TRPS1: variants seen among roughly 807,000 people sequenced by gnomAD.
The protein encoded by TRPS1 is transcriptional repressor GATA binding 1, also known as zinc finger transcription factor Trps1.
In TRPS1, 6 loss-of-function variants were observed where a neutral mutation model predicts 101.2. That is an observed-to-expected ratio of 0.06 (90% CI 0.03 to 0.12). The LOEUF is 0.12. Ranked by LOEUF, TRPS1 falls within the 10% of genes least tolerant of loss-of-function variation. TRPS1 has a pLI of 1.00. For synonymous variants in TRPS1, 578 were observed against 589.8 expected, an observed-to-expected ratio of 0.98 and a Z score of 0.29; for missense variants, 1,363 against 1,567.0, an observed-to-expected ratio of 0.87 and a Z score of 2.20.
At chr8:115,610,321 C>T (rs184976459) in intron 3 of TRPS1, among the ~76,000 whole-genome samples, 14 of 152,174 alleles carry the variant, frequency 9.2e-5, no homozygotes, top group Admixed American at 6.5e-4. Context: ...CCGATCTTAG[C>T]GGAAAATAAC....
At position 115,498,409 on chromosome 8, in the gene TRPS1, CTCTCTCTATATATATATATATATA is replaced by C. The variant is rs1260579056; in HGVS notation, c.2701-79981_2701-79958del. ...TCTCTCTCTCTCTCTCTCTCTCTCTCTCTCTCTATATATATATATATATATATATATATATATATATAGTTGATT... is the reference window on the plus strand; with the variant it reads ...TCTCTCTCTCTCTCTCTCTCTCTCTCTATATATATATATATATAGTTGATT... On this transcript the variant is annotated intron_variant, in intron 5 of 6. Coordinates refer to ENST00000395715, the MANE Select transcript of TRPS1 (RefSeq NM_014112.5). Among the ~76,000 whole-genome samples, 443 of 80,938 alleles carry C rather than the reference CTCTCTCTATATATATATATATATA, an allele frequency of 5.5e-3. 3 individuals are homozygous for C. The highest frequency in any genetic ancestry group is 0.027 in the African/African-American group (418 of 15,246). 53.1% of individuals were successfully genotyped at this position (80,938 alleles called of 152,430 possible).
intron 5 of TRPS1, among the ~76,000 whole-genome samples, chr8:115,538,413 G>C (rs1257834858): frequency 1.3e-5 from 2 of 152,040 alleles, no homozygotes; most frequent in African/African-American, 4.8e-5. Context: ...CGACTATCTT[G>C]CTAGCAAATT....
chr8:115,514,684 T>C (rs1397166577), intron 5 of TRPS1, among the ~76,000 whole-genome samples: 6 of 151,664 alleles, frequency 4.0e-5, no homozygotes, highest in East Asian at 1.9e-4. Flanking sequence ...CCATTTCTCA[T>C]TCATACAAAT....
At chr8:115,541,722 T>C (rs577976400) in intron 5 of TRPS1, among the ~76,000 whole-genome samples, 9 of 152,320 alleles carry the variant, frequency 5.9e-5, no homozygotes, top group Admixed American at 1.3e-4. Context: ...ATCCTTAATA[T>C]AGTTTATGTT....
rs1201850527 is a variant in TRPS1 at position 115,408,801 on chromosome 8, T to C, written c.*5222A>G. On this transcript the variant is annotated 3_prime_UTR_variant, in exon 7 of 7. Coordinates refer to ENST00000395715, the MANE Select transcript of TRPS1 (RefSeq NM_014112.5). ...ATATTGCTGTAAGTTAAATTTTACA[T>C]TGGCATTTTGAGATGTTCCCCCCTC... The C allele has an allele frequency of 6.6e-6, 1 of 152,322 alleles. No homozygotes were observed. The highest frequency in any genetic ancestry group is 1.5e-5 in the Non-Finnish European group (1 of 67,928). The allele number at this position is 152,322 out of a possible 1,614,324, so 9.4% of individuals were successfully genotyped here. A position where few individuals can be genotyped will look rare whatever the true frequency, so the allele number is the denominator to read the frequency against.
rs555737476 is a variant in TRPS1 at position 115,417,674 on chromosome 8, G to A, written c.2823+656C>T. ...AGGAAAAGTAATTCAAAGAACCTCC[G>A]TGAGCCAAAGCCAGCTGGAGATCTT... On this transcript the variant is annotated intron_variant, in intron 6 of 6. Transcript: ENST00000395715. 9.2e-5 allele frequency among the ~76,000 whole-genome samples: 14 copies of A among 152,214 alleles called. No homozygotes were observed. In the South Asian group the frequency reaches 2.5e-3, roughly 27 times the overall value.
At chr8:115,503,259 C>CAAAAA in intron 5 of TRPS1, among the ~76,000 whole-genome samples, 1 of 128,800 alleles carries the variant, frequency 7.8e-6, no homozygotes, top group Non-Finnish European at 1.6e-5. Flanking sequence ...GACTCTGTCT[C>CAAAAA]AAAAAAAAAA....
intron 5 of TRPS1, among the ~76,000 whole-genome samples, chr8:115,558,133 A>C (rs1403457798): frequency 6.6e-6 from 1 of 152,150 alleles, no homozygotes; most frequent in Non-Finnish European, 1.5e-5. Flanking sequence ...AACACAGATA[A>C]AACATTGTAT....
chr8:115,498,743 T>C (rs564106653), intron 5 of TRPS1, among the ~76,000 whole-genome samples: 1 of 152,208 alleles, frequency 6.6e-6, no homozygotes, highest in South Asian at 2.1e-4. Flanking sequence ...CATATTTCTT[T>C]GAAGAAATGC....
At position 115,619,448 on chromosome 8, in the gene TRPS1, A is replaced by G; in HGVS notation, c.650T>C (p.Leu217Ser). 1 of 1,614,140 alleles carries G rather than the reference A, an allele frequency of 6.2e-7. No individual in the cohort carries two copies. The highest frequency in any genetic ancestry group is 8.5e-7 in the Non-Finnish European group (1 of 1,180,036). ...CGGGTCTGGGTTGTCATTCACCAGT[A>G]AGTCAGTTTTGGATTTATTCAGTCT... is the stretch of plus-strand genomic sequence containing the variant. ...GVRLNKSKTD[L>S]LVNDNPDPAP... Residue 217 changes from leucine (L) to serine (S), a missense_variant, in exon 3 of 7, where the codon TTA becomes TCA. Transcript: ENST00000395715.
At chr8:115,465,356 T>C (rs1321793957) in intron 5 of TRPS1, among the ~76,000 whole-genome samples, 1 of 152,042 alleles carries the variant, frequency 6.6e-6, no homozygotes, top group Non-Finnish European at 1.5e-5. Context: ...CAATTTTTCA[T>C]ATAAAGCTTT....
intron 5 of TRPS1, among the ~76,000 whole-genome samples, chr8:115,474,374 C>A (rs1394663320): frequency 6.6e-6 from 1 of 151,400 alleles, no homozygotes; most frequent in African/African-American, 2.4e-5. Flanking sequence ...TGAGAAAATT[C>A]TCTGGGATGG....
chr8:115,575,954 C>A (rs1040796703), intron 5 of TRPS1, among the ~76,000 whole-genome samples: 1 of 152,040 alleles, frequency 6.6e-6, no homozygotes, highest in Non-Finnish European at 1.5e-5. Flanking sequence ...GTTTCTGCAT[C>A]CAAAATTCTG....
At chr8:115,426,056 A>T (rs887038654) in intron 5 of TRPS1, among the ~76,000 whole-genome samples, 1 of 152,074 alleles carries the variant, frequency 6.6e-6, no homozygotes, top group African/African-American at 2.4e-5. Context: ...TAAAAGAACT[A>T]CTCAAGTCTC....
At chr8:115,664,729 A>C (rs1586509076) in intron 1 of TRPS1, among the ~76,000 whole-genome samples, 1 of 152,134 alleles carries the variant, frequency 6.6e-6, no homozygotes, top group Non-Finnish European at 1.5e-5. Context: ...TATCAAATTG[A>C]TTGTAACTTG....
At chr8:115,664,441 G>T (rs1811877024) in intron 1 of TRPS1, among the ~76,000 whole-genome samples, 1 of 152,004 alleles carries the variant, frequency 6.6e-6, no homozygotes, top group Non-Finnish European at 1.5e-5. Context: ...TGGTAACAAA[G>T]AATTTACTTA....
intron 1 of TRPS1, among the ~76,000 whole-genome samples, chr8:115,649,409 T>C (rs1811508986): frequency 6.6e-6 from 1 of 152,220 alleles, no homozygotes; most frequent in Admixed American, 6.5e-5. Context: ...ATCCTGACTC[T>C]GCTACTTGCT....
intron 1 of TRPS1, among the ~76,000 whole-genome samples, chr8:115,644,462 A>C (rs1286800769): frequency 6.6e-6 from 1 of 152,162 alleles, no homozygotes; most frequent in Non-Finnish European, 1.5e-5. Context: ...GCTTTCACCG[A>C]ATCAAACAGA....
At chr8:115,592,557 T>G (rs1294596318) in intron 4 of TRPS1, among the ~76,000 whole-genome samples, 3 of 152,164 alleles carry the variant, frequency 2.0e-5, no homozygotes, top group Non-Finnish European at 4.4e-5. Context: ...TGCTATAAAG[T>G]GCTCTTGAGA....
Sources: allele counts gnomAD v4.1 joint callset (sites outside exome capture counted in the v4.1 genomes callset), GRCh38; gene constraint gnomAD v4.1.1; transcripts MANE v1.5; gene names NCBI Gene and HGNC (gene_info 2026-07-23, HGNC 2026-07-21).